WWOX: variants seen among roughly 807,000 people sequenced by gnomAD.
The protein encoded by WWOX is WW domain containing oxidoreductase.
In WWOX, 69 loss-of-function variants were observed where a neutral mutation model predicts 46.2. The observed-to-expected ratio is 1.49, with a 90% CI of 1.23 to 1.82. The LOEUF (loss-of-function observed/expected upper bound fraction) is 1.82, where lower values mean the gene tolerates loss of function less well. WWOX is among the 40% of genes most tolerant of loss of function. The pLI is 0.00. For synonymous variants in WWOX, 359 were observed against 202.6 expected, an observed-to-expected ratio of 1.77 and a Z score of -6.56; for missense variants, 919 against 542.6, an observed-to-expected ratio of 1.69 and a Z score of -6.89.
rs188858894 is a variant in WWOX at position 79,075,800 on chromosome 16, A to G, written c.1057-135808A>G. Among the ~76,000 whole-genome samples the G allele has an allele frequency of 4.5e-4, 69 of 152,284 alleles. No individual in the cohort carries two copies. The East Asian group carries it at 0.01, about 22-fold the overall frequency. On this transcript the variant is annotated intron_variant, in intron 8 of 8. Transcript: ENST00000566780. ...ATGGAAGCAAGAGAGGTTTACATAC[A>G]TGGTGTACATATACCTCGGCAGCCT...
chr16:79,093,801 G>A (rs1160196485), intron 8 of WWOX, among the ~76,000 whole-genome samples: 6 of 152,100 alleles, frequency 3.9e-5, no homozygotes, highest in Admixed American at 3.9e-4. Flanking sequence ...CCCTCCCCCT[G>A]CCCTTCGACA....
At chr16:78,371,651 T>C (rs1426484875) in intron 5 of WWOX, among the ~76,000 whole-genome samples, 2 of 152,220 alleles carry the variant, frequency 1.3e-5, no homozygotes, top group Admixed American at 1.3e-4. Context: ...CTTGCTTAAT[T>C]ATTTTTCCCT....
At chr16:78,357,940 A>T (rs956256112) in intron 5 of WWOX, among the ~76,000 whole-genome samples, 1 of 152,138 alleles carries the variant, frequency 6.6e-6, no homozygotes, top group African/African-American at 2.4e-5. Flanking sequence ...TGAGTAGGAG[A>T]AGGCCAGTTA....
intron 8 of WWOX, among the ~76,000 whole-genome samples, chr16:79,122,475 C>A (rs541733612): frequency 6.6e-6 from 1 of 152,074 alleles, no homozygotes; most frequent in African/African-American, 2.4e-5. Flanking sequence ...CTGTTTCTTT[C>A]CTTCTCTTGC....
chr16:78,696,042 C>G (rs996341283), intron 8 of WWOX, among the ~76,000 whole-genome samples: 5 of 152,080 alleles, frequency 3.3e-5, no homozygotes, highest in African/African-American at 4.8e-5. Flanking sequence ...AGGCTGCAGT[C>G]TGTGTTAAGC....
intron 8 of WWOX, among the ~76,000 whole-genome samples, chr16:78,486,365 C>T (rs2084636696): frequency 6.6e-6 from 1 of 152,310 alleles, no homozygotes; most frequent in East Asian, 1.9e-4. Context: ...TAAGATTATT[C>T]AGAAGTATTG....
chr16:78,838,273 G>C (rs1029856376), intron 8 of WWOX, among the ~76,000 whole-genome samples: 3 of 152,122 alleles, frequency 2.0e-5, no homozygotes, highest in Non-Finnish European at 4.4e-5. Flanking sequence ...GTCAAAAAAA[G>C]ACAGGGTAGT....
At chr16:78,965,622 C>T (rs1018659719) in intron 8 of WWOX, among the ~76,000 whole-genome samples, 1 of 151,902 alleles carries the variant, frequency 6.6e-6, no homozygotes, top group African/African-American at 2.4e-5. Context: ...ATGCTTTCCA[C>T]TAGAAGATTC....
chr16:78,818,002 G>A (rs2051386125), intron 8 of WWOX, among the ~76,000 whole-genome samples: 1 of 152,190 alleles, frequency 6.6e-6, no homozygotes, highest in Non-Finnish European at 1.5e-5. Flanking sequence ...GATGGAGTGG[G>A]CAGAGGGAGA....
chr16:78,726,130 T>TCC (rs2048829701), intron 8 of WWOX, among the ~76,000 whole-genome samples: 1 of 118,420 alleles, frequency 8.4e-6, no homozygotes, highest in African/African-American at 3.2e-5. Context: ...CCTCTCTCCC[T>TCC]CTCTCTTTTT....
At chr16:79,209,276 C>G (rs2051629660) in intron 8 of WWOX, among the ~76,000 whole-genome samples, 2 of 152,182 alleles carry the variant, frequency 1.3e-5, no homozygotes, top group South Asian at 4.1e-4. Context: ...CAATGGCATT[C>G]TGAATCAATG....
chr16:78,308,760 A>G (rs762007530), intron 5 of WWOX, among the ~76,000 whole-genome samples: 64 of 152,162 alleles, frequency 4.2e-4, no homozygotes, highest in African/African-American at 1.5e-3. Context: ...CATCTGCATC[A>G]TAAGAACCTT....
chr16:79,156,080 G>C (rs952723700), intron 8 of WWOX, among the ~76,000 whole-genome samples: 2 of 152,232 alleles, frequency 1.3e-5, no homozygotes, highest in Admixed American at 1.3e-4. Context: ...TCAACGACTG[G>C]AATTTGCACA....
chr16:78,241,361 C>T (rs1028681954), intron 5 of WWOX: 1 of 152,350 alleles, frequency 6.6e-6, no homozygotes, highest in African/African-American at 2.4e-5. Context: ...CAGAGCCTGC[C>T]TGCCTCATCC....
chr16:78,359,502 C>A (rs527394186), intron 5 of WWOX, among the ~76,000 whole-genome samples: 1 of 152,024 alleles, frequency 6.6e-6, no homozygotes, highest in Non-Finnish European at 1.5e-5. Context: ...CGTTGAAACA[C>A]CTTTTCTTTT....
At chr16:78,688,095 G>A (rs1347093434) in intron 8 of WWOX, among the ~76,000 whole-genome samples, 1 of 130,944 alleles carries the variant, frequency 7.6e-6, no homozygotes, top group Admixed American at 7.1e-5. Context: ...CACAGACCAG[G>A]AATGGTTATT....
intron 8 of WWOX, among the ~76,000 whole-genome samples, chr16:78,679,012 A>G (rs1441248891): frequency 6.6e-6 from 1 of 152,052 alleles, no homozygotes; most frequent in African/African-American, 2.4e-5. Context: ...CCCAGTGGAG[A>G]GACAGGAAAG....
intron 8 of WWOX, among the ~76,000 whole-genome samples, chr16:79,183,458 G>C (rs1250646841): frequency 6.6e-6 from 1 of 152,162 alleles, no homozygotes; most frequent in African/African-American, 2.4e-5. Flanking sequence ...GGCTCAAAGA[G>C]ATTAAATGTC....
intron 5 of WWOX, among the ~76,000 whole-genome samples, chr16:78,170,032 C>G (rs550136312): frequency 1.3e-5 from 2 of 152,208 alleles, no homozygotes; most frequent in South Asian, 4.1e-4. Context: ...AGGTGGCTCT[C>G]CCTTAGAGTT....
Sources: gnomAD v4.1 joint callset for allele counts (sites outside exome capture counted in the v4.1 genomes callset) on GRCh38, gnomAD v4.1.1 for gene constraint, MANE v1.5 for transcripts, NCBI Gene and HGNC (gene_info 2026-07-23, HGNC 2026-07-21) for gene names.